MSRB3: variants seen among roughly 807,000 people sequenced by gnomAD.
The protein encoded by MSRB3 is methionine sulfoxide reductase B3, also known as methionine-R-sulfoxide reductase B3.
MSRB3 carries 13 observed loss-of-function variants against 21.0 expected under a neutral mutation model. The ratio of observed to expected loss-of-function variants is 0.62; its 90% CI spans 0.40 to 0.98. MSRB3 has a LOEUF of 0.98. Ranked by LOEUF, MSRB3 falls within the 50% of genes least tolerant of loss-of-function variation. The pLI, the probability that MSRB3 is intolerant of heterozygous loss-of-function variation, is 0.00. For missense variants in MSRB3, 199 were observed against 230.3 expected, an observed-to-expected ratio of 0.86 and a Z score of 0.88; for synonymous variants, 87 against 88.6, an observed-to-expected ratio of 0.98 and a Z score of 0.10.
intron 5 of MSRB3, among the ~76,000 whole-genome samples, chr12:65,428,974 T>G (rs562362928): frequency 6.6e-6 from 1 of 152,218 alleles, no homozygotes; most frequent in African/African-American, 2.4e-5. Flanking sequence ...TACTTACCAG[T>G]CTCTATTGTC....
In MSRB3 at chr12:65,463,379, C is replaced by T; in HGVS notation, c.*57C>T. 6.3e-7 allele frequency: 1 copy of T among 1,583,822 alleles called. No individual in the cohort carries two copies. The highest frequency in any genetic ancestry group is 8.6e-7 in the Non-Finnish European group (1 of 1,159,748). On this transcript the variant is annotated 3_prime_UTR_variant, in exon 7 of 7. Transcript: ENST00000308259. ...TTAATGCACAGCTTATTAAAAAAAT[C>T]AAAATTGTTATCTTAATAGATATAT...
intron 5 of MSRB3, among the ~76,000 whole-genome samples, chr12:65,370,686 A>G (rs1049150398): frequency 1.3e-5 from 2 of 152,210 alleles, no homozygotes; most frequent in Non-Finnish European, 2.9e-5. Flanking sequence ...TAACAGCTGT[A>G]CAGGCACACA....
chr12:65,432,038 C>G (rs1377840678), intron 5 of MSRB3, among the ~76,000 whole-genome samples: 1 of 151,970 alleles, frequency 6.6e-6, no homozygotes, highest in East Asian at 1.9e-4. Context: ...TAAAATTTTA[C>G]CCCAAAAGCT....
At chr12:65,418,665 A>C in intron 5 of MSRB3, 1 of 621,410 alleles carries the variant, frequency 1.6e-6, no homozygotes, top group Admixed American at 2.8e-5. Flanking sequence ...TTTTTTTTTA[A>C]CCTCTGAACT....
chr12:65,427,334 T>C, intron 5 of MSRB3, among the ~76,000 whole-genome samples: 1 of 152,210 alleles, frequency 6.6e-6, no homozygotes, highest in East Asian at 1.9e-4. Context: ...GCAGTGATAC[T>C]CAGCAGCTGA....
intron 4 of MSRB3, among the ~76,000 whole-genome samples, chr12:65,346,239 G>A (rs1227938336): frequency 1.2e-4 from 18 of 152,018 alleles, no homozygotes; most frequent in South Asian, 8.3e-4. Context: ...CATCCTCTCC[G>A]GCACCTGTTG....
At chr12:65,346,381 T>G (rs1876508015) in intron 4 of MSRB3, among the ~76,000 whole-genome samples, 1 of 152,210 alleles carries the variant, frequency 6.6e-6, no homozygotes, top group Admixed American at 6.5e-5. Flanking sequence ...CATAAATGTC[T>G]CCTTTTGAGA....
chr12:65,453,938 G>A (rs748859293), intron 6 of MSRB3, 113 bp downstream of exon 6: 32 of 871,882 alleles, frequency 3.7e-5, no homozygotes, highest in South Asian at 6.8e-5. Context: ...CAAGCATGAC[G>A]AAGTTTATAT....
chr12:65,379,092 C>T (rs1565863951), intron 5 of MSRB3, among the ~76,000 whole-genome samples: 1 of 152,136 alleles, frequency 6.6e-6, no homozygotes, highest in East Asian at 1.9e-4. Context: ...TTATCTATCT[C>T]CAAATAGGGA....
At chr12:65,314,796 TAAC>T (rs1874189831) in intron 2 of MSRB3, among the ~76,000 whole-genome samples, 1 of 152,176 alleles carries the variant, frequency 6.6e-6, no homozygotes, top group Non-Finnish European at 1.5e-5. Context: ...ATTCATTAGT[TAAC>T]AATGACTGTA....
At chr12:65,373,796 A>G (rs922937934) in intron 5 of MSRB3, among the ~76,000 whole-genome samples, 2 of 152,196 alleles carry the variant, frequency 1.3e-5, no homozygotes, top group East Asian at 3.8e-4. Context: ...AAGGCACAAC[A>G]GAATATAATT....
At chr12:65,312,463 A>G (rs1874043120) in intron 2 of MSRB3, among the ~76,000 whole-genome samples, 1 of 152,080 alleles carries the variant, frequency 6.6e-6, no homozygotes, top group Non-Finnish European at 1.5e-5. Flanking sequence ...CTTAGACTAG[A>G]TATCATGATA....
In MSRB3 at chr12:65,463,472, C is replaced by T. The variant is rs1425277471; in HGVS notation, c.*150C>T. 2.2e-6 allele frequency: 2 copies of T among 916,506 alleles called. No homozygotes were observed. The highest frequency in any genetic ancestry group is 5.3e-5 in the East Asian group (2 of 37,628). 56.8% of individuals were successfully genotyped at this position (916,506 alleles called of 1,614,324 possible). ...TTTCTTCTTTTGCTTAAACAGAAGCCCTGGCCATCCATGTATTTTGCAATT... is the reference window on the plus strand; with the variant it reads ...TTTCTTCTTTTGCTTAAACAGAAGCTCTGGCCATCCATGTATTTTGCAATT... On this transcript the variant is annotated 3_prime_UTR_variant, in exon 7 of 7. Coordinates refer to ENST00000308259, the MANE Select transcript of MSRB3 (RefSeq NM_001031679.3).
At position 65,326,819 on chromosome 12, in the gene MSRB3, T is replaced by C; in HGVS notation, c.77-7T>C. On this transcript the variant is annotated splice_polypyrimidine_tract_variant and splice_region_variant and intron_variant, in intron 2 of 6. Coordinates refer to ENST00000308259, the MANE Select transcript of MSRB3 (RefSeq NM_001031679.3). ...GGCTTCTTCTCCCATATCCTCTCTC[T>C]TTTCAGGGTCGTGTAGGGATAAAAA... The C allele has an allele frequency of 6.2e-7, 1 of 1,611,880 alleles. No individual in the cohort carries two copies. Among genetic ancestry groups the C allele is most frequent in the Non-Finnish European group, 8.5e-7 (1 of 1,178,216 alleles).
At chr12:65,305,903 G>C (rs1448655215) in intron 1 of MSRB3, among the ~76,000 whole-genome samples, 1 of 152,172 alleles carries the variant, frequency 6.6e-6, no homozygotes, top group African/African-American at 2.4e-5. Flanking sequence ...TCTAATTCAT[G>C]CATTTAAAAC....
rs957968425 is a variant in MSRB3 at position 65,463,661 on chromosome 12, A to G, written c.*339A>G. On this transcript the variant is annotated 3_prime_UTR_variant, in exon 7 of 7. Transcript: ENST00000308259. ...AGCAGAGGGTTCATGGTCTTCAAAC[A>G]TGAAAATAGAGATCTCCTCTGCAGT... The G allele has an allele frequency of 1.2e-5, 4 of 334,712 alleles. No individual in the cohort carries two copies. Among genetic ancestry groups the G allele is most frequent in the South Asian group, 2.6e-5 (1 of 38,556 alleles). 20.7% of individuals were successfully genotyped at this position (334,712 alleles called of 1,614,324 possible).
At chr12:65,426,734 C>T (rs1424105358) in intron 5 of MSRB3, among the ~76,000 whole-genome samples, 1 of 152,000 alleles carries the variant, frequency 6.6e-6, no homozygotes, top group East Asian at 1.9e-4. Flanking sequence ...TATTCCTTTT[C>T]ATTCTTTTTC....
intron 4 of MSRB3, among the ~76,000 whole-genome samples, chr12:65,351,968 C>G (rs865991420): frequency 6.6e-6 from 1 of 152,058 alleles, no homozygotes; most frequent in Non-Finnish European, 1.5e-5. Flanking sequence ...TTTTATGAGG[C>G]CAGCATCATT....
At chr12:65,395,369 G>A (rs1879722242) in intron 5 of MSRB3, among the ~76,000 whole-genome samples, 1 of 151,928 alleles carries the variant, frequency 6.6e-6, no homozygotes, top group South Asian at 2.1e-4. Context: ...AGGAGGCCGA[G>A]GCAGAAGAAT....
Sources: gnomAD v4.1 joint callset for allele counts (sites outside exome capture counted in the v4.1 genomes callset) on GRCh38, gnomAD v4.1.1 for gene constraint, MANE v1.5 for transcripts, NCBI Gene and HGNC (gene_info 2026-07-23, HGNC 2026-07-21) for gene names.